IMPG1: variants seen among roughly 807,000 people sequenced by gnomAD.
The protein encoded by IMPG1 is interphotoreceptor matrix proteoglycan of 150 kDa.
IMPG1 carries 85 observed loss-of-function variants against 92.0 expected under a neutral mutation model. The ratio of observed to expected loss-of-function variants is 0.92; its 90% CI spans 0.78 to 1.11. The LOEUF is 1.11. Among genes scored for constraint, IMPG1 ranks in the 50% least tolerant of loss-of-function variants. IMPG1 has a pLI of 0.00. For synonymous variants in IMPG1, 367 were observed against 334.1 expected, an observed-to-expected ratio of 1.10 and a Z score of -1.08; for missense variants, 1,022 against 956.0, an observed-to-expected ratio of 1.07 and a Z score of -0.91.
intron 15 of IMPG1, among the ~76,000 whole-genome samples, chr6:75,928,142 T>C (rs1781591353): frequency 6.6e-6 from 1 of 152,164 alleles, no homozygotes; most frequent in African/African-American, 2.4e-5. Context: ...CCTCTTCTTA[T>C]TCACTTTAAT....
At chr6:76,037,852 T>C (rs528509926) in intron 2 of IMPG1, among the ~76,000 whole-genome samples, 2 of 152,356 alleles carry the variant, frequency 1.3e-5, no homozygotes, top group Admixed American at 6.5e-5. Context: ...GTGTGAAACA[T>C]CGGGGAAGAT....
At chr6:76,032,560 C>A (rs1035722962) in intron 4 of IMPG1, among the ~76,000 whole-genome samples, 4 of 152,180 alleles carry the variant, frequency 2.6e-5, no homozygotes, top group Admixed American at 6.5e-5. Flanking sequence ...AGTTCCTGAC[C>A]TTGAGGAGTT....
chr6:75,939,205 TTTTA>T lies in IMPG1; in HGVS notation c.2045-8058_2045-8055del, dbSNP rs1193540878. On this transcript the variant is annotated intron_variant, in intron 14 of 16. Coordinates refer to ENST00000369950, the MANE Select transcript of IMPG1 (RefSeq NM_001563.4). ...CTTCCTTTTTCTTTTCTTTTCTTTT[TTTTA>T]AAATTATACTTTAAGTTTTAGGGTA... Among the ~76,000 whole-genome samples the T allele has an allele frequency of 1.9e-3, 292 of 152,368 alleles. 1 individual carries two copies. Among genetic ancestry groups the T allele is most frequent in the South Asian group, 5.8e-3 (28 of 4,832 alleles).
chr6:75,946,567 G>C (rs1246256176), intron 14 of IMPG1, among the ~76,000 whole-genome samples: 1 of 152,180 alleles, frequency 6.6e-6, no homozygotes, highest in Non-Finnish European at 1.5e-5. Flanking sequence ...GAAACTAATG[G>C]TAAAAACAGT....
intron 1 of IMPG1, among the ~76,000 whole-genome samples, chr6:76,061,894 C>CT (rs553486122): frequency 7.8e-4 from 118 of 152,236 alleles, no homozygotes; most frequent in African/African-American, 2.7e-3. Flanking sequence ...CTTCAACTGT[C>CT]TTTTTTTGTG....
At chr6:75,925,840 A>G (rs1339018921) in intron 15 of IMPG1, among the ~76,000 whole-genome samples, 1 of 151,518 alleles carries the variant, frequency 6.6e-6, no homozygotes, top group Non-Finnish European at 1.5e-5. Context: ...TAATTTTTGT[A>G]TTTTTAGTAG....
At chr6:75,937,995 C>T (rs1781776147) in intron 14 of IMPG1, among the ~76,000 whole-genome samples, 1 of 152,200 alleles carries the variant, frequency 6.6e-6, no homozygotes, top group African/African-American at 2.4e-5. Context: ...AAAGACGACT[C>T]TAGTTGCTGG....
At chr6:75,948,722 T>C (rs1159913287) in intron 13 of IMPG1, among the ~76,000 whole-genome samples, 3 of 152,142 alleles carry the variant, frequency 2.0e-5, no homozygotes, top group African/African-American at 7.2e-5. Flanking sequence ...CCCAAATCCA[T>C]TTTCCTATTT....
intron 5 of IMPG1, 163 bp downstream of exon 5, chr6:76,025,031 T>C (rs761282986): frequency 4.7e-5 from 30 of 644,620 alleles, no homozygotes; most frequent in South Asian, 4.3e-4. Context: ...TTCCAAGTTG[T>C]ATGCAATAAA....
At chr6:76,071,317 T>G (rs1441303375) in intron 1 of IMPG1, among the ~76,000 whole-genome samples, 1 of 150,530 alleles carries the variant, frequency 6.6e-6, no homozygotes, top group Non-Finnish European at 1.5e-5. Context: ...GTCTACGAAA[T>G]AGTCAAATTG....
At chr6:76,030,830 A>G (rs1416350931) in intron 4 of IMPG1, among the ~76,000 whole-genome samples, 1 of 152,142 alleles carries the variant, frequency 6.6e-6, no homozygotes, top group Non-Finnish European at 1.5e-5. Context: ...GTACTTCTTT[A>G]GAGTGGGGAA....
At chr6:76,014,971 G>A (rs1272616353) in intron 7 of IMPG1, among the ~76,000 whole-genome samples, 2 of 152,124 alleles carry the variant, frequency 1.3e-5, no homozygotes, top group African/African-American at 4.8e-5. Context: ...AATCTTCTGG[G>A]GACCTTCTAG....
intron 12 of IMPG1, among the ~76,000 whole-genome samples, chr6:75,973,348 TG>T (rs752440368): frequency 4.0e-5 from 6 of 150,554 alleles, no homozygotes; most frequent in East Asian, 3.9e-4. Context: ...GAGAGGAAAA[TG>T]GCATTGGATT....
intron 12 of IMPG1, among the ~76,000 whole-genome samples, chr6:75,992,316 C>T (rs942480444): frequency 6.6e-5 from 10 of 152,170 alleles, no homozygotes; most frequent in South Asian, 2.1e-4. Flanking sequence ...CTCTCTCTTT[C>T]TCATTGTGTT....
chr6:75,972,252 AG>A (rs1441647639), intron 12 of IMPG1, among the ~76,000 whole-genome samples: 2 of 152,212 alleles, frequency 1.3e-5, no homozygotes, highest in African/African-American at 4.8e-5. Flanking sequence ...AAAAGTGCCC[AG>A]CCCCGTTCCC....
At chr6:76,020,038 T>C (rs1239812922) in intron 6 of IMPG1, among the ~76,000 whole-genome samples, 1 of 152,058 alleles carries the variant, frequency 6.6e-6, no homozygotes, top group African/African-American at 2.4e-5. Context: ...AAAAATACAA[T>C]ATTTTATTTA....
intron 10 of IMPG1, among the ~76,000 whole-genome samples, chr6:76,004,508 GC>G (rs1288552911): frequency 1.3e-5 from 2 of 152,152 alleles, no homozygotes; most frequent in African/African-American, 4.8e-5. Context: ...TGTTAAGAGT[GC>G]CTATCTTAGG....
intron 9 of IMPG1, among the ~76,000 whole-genome samples, 166 bp downstream of exon 9, chr6:76,007,314 T>G (rs563055617): frequency 6.6e-6 from 1 of 152,302 alleles, no homozygotes; most frequent in South Asian, 2.1e-4. Flanking sequence ...TTTTTTTTTT[T>G]TAACTACTGG....
intron 12 of IMPG1, among the ~76,000 whole-genome samples, chr6:75,961,241 T>C (rs1249665851): frequency 6.6e-6 from 1 of 152,190 alleles, no homozygotes; most frequent in East Asian, 1.9e-4. Context: ...TGTCAAAAAC[T>C]CTCAAAAGAA....
Sources: allele counts gnomAD v4.1 joint callset (sites outside exome capture counted in the v4.1 genomes callset), GRCh38; gene constraint gnomAD v4.1.1; transcripts MANE v1.5; gene names NCBI Gene and HGNC (gene_info 2026-07-23, HGNC 2026-07-21).